The following DAB1 variants were observed in gnomAD, a reference collection of about 807,000 sequenced individuals.
The protein encoded by DAB1 is disabled homolog 1.
A neutral mutation model predicts 64.6 loss-of-function variants in DAB1; 15 were observed. That is an observed-to-expected ratio of 0.23 (90% CI 0.16 to 0.36). The LOEUF (loss-of-function observed/expected upper bound fraction) is 0.36, where lower values mean the gene tolerates loss of function less well. Among genes scored for constraint, DAB1 ranks in the 10% least tolerant of loss-of-function variants. The pLI, the probability that DAB1 is intolerant of heterozygous loss-of-function variation, is 1.00. For synonymous variants in DAB1, 235 were observed against 251.9 expected (o/e 0.93, Z 0.64); for missense variants, 596 against 706.7 (o/e 0.84, Z 1.78).
At chr1:58,182,704 A>G (rs1295061702) in intron 4 of DAB1, among the ~76,000 whole-genome samples, 2 of 151,906 alleles carry the variant, frequency 1.3e-5, no homozygotes, top group Non-Finnish European at 2.9e-5. Flanking sequence ...AATACTTTCC[A>G]TTCACTTTTT....
intron 3 of DAB1, among the ~76,000 whole-genome samples, chr1:58,437,183 T>TTAA (rs1644954397): frequency 6.6e-6 from 1 of 152,202 alleles, no homozygotes; most frequent in Non-Finnish European, 1.5e-5. Flanking sequence ...GGAGAGCTGG[T>TTAA]TAATGATTCA....
intron 3 of DAB1, among the ~76,000 whole-genome samples, chr1:58,432,132 G>A (rs1644883950): frequency 6.6e-6 from 1 of 152,096 alleles, no homozygotes. Flanking sequence ...TCCTATCTCA[G>A]GGTCTCTGCC....
intron 5 of DAB1, among the ~76,000 whole-genome samples, chr1:57,900,179 A>G (rs1644452923): frequency 1.3e-5 from 2 of 152,124 alleles, no homozygotes; most frequent in African/African-American, 2.4e-5. Flanking sequence ...GAGGATAAAC[A>G]CTGCAAGTGC....
At chr1:58,236,704 C>T (rs1383560329) in intron 4 of DAB1, among the ~76,000 whole-genome samples, 1 of 152,192 alleles carries the variant, frequency 6.6e-6, no homozygotes, top group Non-Finnish European at 1.5e-5. Flanking sequence ...GGCAGTGTCC[C>T]AGTTCTATAG....
chr1:57,081,625 T>C (rs1248428925), intron 4 of DAB1, among the ~76,000 whole-genome samples: 1 of 152,134 alleles, frequency 6.6e-6, no homozygotes, highest in Non-Finnish European at 1.5e-5. Flanking sequence ...GAGTTTTCCA[T>C]CGCTTGCAAC....
intron 5 of DAB1, among the ~76,000 whole-genome samples, chr1:58,012,044 A>G (rs1250863303): frequency 2.0e-5 from 3 of 152,086 alleles, no homozygotes; most frequent in Non-Finnish European, 4.4e-5. Flanking sequence ...TTGCTTAGTT[A>G]TATATTTAAC....
chr1:57,313,191 C>T (rs1291580039), intron 1 of DAB1, among the ~76,000 whole-genome samples: 1 of 152,024 alleles, frequency 6.6e-6, no homozygotes, highest in Non-Finnish European at 1.5e-5. Context: ...AGAATGAGGC[C>T]TCAAGGTATG....
At chr1:57,057,329 G>A (rs1030333834) in intron 9 of DAB1, among the ~76,000 whole-genome samples, 2 of 151,988 alleles carry the variant, frequency 1.3e-5, no homozygotes, top group Admixed American at 1.3e-4. Flanking sequence ...CTTTTTGCCT[G>A]TCTCTCTTAT....
chr1:58,064,746 G>T (rs1274677147), intron 5 of DAB1, among the ~76,000 whole-genome samples: 2 of 151,924 alleles, frequency 1.3e-5, no homozygotes, highest in African/African-American at 4.8e-5. Flanking sequence ...TTTTGAGACG[G>T]AATCTCGCTC....
intron 7 of DAB1, among the ~76,000 whole-genome samples, chr1:57,639,323 TAA>T (rs1277404264): frequency 4.7e-5 from 7 of 149,824 alleles, no homozygotes; most frequent in South Asian, 2.1e-4. Context: ...AAGTTCTTTA[TAA>T]AAAGAACTTT....
At chr1:57,214,685 T>G (rs197600) in intron 2 of DAB1, among the ~76,000 whole-genome samples, 2,346 of 151,116 alleles carry the variant, frequency 0.016, 48 homozygotes, top group African/African-American at 0.054. Flanking sequence ...CCAAGGTGGG[T>G]GGATCACAAG....
At chr1:58,419,428 C>T (rs1375316752) in intron 3 of DAB1, among the ~76,000 whole-genome samples, 1 of 152,168 alleles carries the variant, frequency 6.6e-6, no homozygotes. Flanking sequence ...CTATGACCAT[C>T]ATCCATCACC....
chr1:57,873,475 A>C (rs958892252), intron 1 of DAB1, among the ~76,000 whole-genome samples: 1 of 152,206 alleles, frequency 6.6e-6, no homozygotes, highest in African/African-American at 2.4e-5. Context: ...CAATGAATTT[A>C]CATCTTGAAT....
intron 6 of DAB1, among the ~76,000 whole-genome samples, chr1:57,808,645 T>C (rs1411604621): frequency 6.6e-6 from 1 of 152,232 alleles, no homozygotes; most frequent in African/African-American, 2.4e-5. Context: ...ACTTTAGGAA[T>C]ACTCTTATTT....
At chr1:57,528,789 G>C (rs1160802413) in intron 7 of DAB1, among the ~76,000 whole-genome samples, 6 of 151,990 alleles carry the variant, frequency 3.9e-5, no homozygotes, top group Non-Finnish European at 7.4e-5. Context: ...AGATGAAAAG[G>C]CCTGTCAATC....
At chr1:58,242,223 C>CA (rs1167307293) in intron 4 of DAB1, among the ~76,000 whole-genome samples, 1 of 151,764 alleles carries the variant, frequency 6.6e-6, no homozygotes, top group Non-Finnish European at 1.5e-5. Flanking sequence ...GTGACAAATG[C>CA]AAAAAATGTA....
At chr1:57,065,325 T>C (rs567254666) in intron 8 of DAB1, among the ~76,000 whole-genome samples, 2 of 152,324 alleles carry the variant, frequency 1.3e-5, no homozygotes, top group African/African-American at 4.8e-5. Flanking sequence ...TTATGTGTCA[T>C]GCATCACGCG....
chr1:58,531,771 G>T (rs61781817), intron 1 of DAB1, among the ~76,000 whole-genome samples: 1 of 151,732 alleles, frequency 6.6e-6, no homozygotes, highest in Non-Finnish European at 1.5e-5. Flanking sequence ...GTGCAGTGGC[G>T]AGGTCTCGAC....
At chr1:57,431,418 A>G (rs549035051) in intron 7 of DAB1, among the ~76,000 whole-genome samples, 5 of 152,234 alleles carry the variant, frequency 3.3e-5, no homozygotes, top group Non-Finnish European at 5.9e-5. Flanking sequence ...GGACATAAGT[A>G]AAATGTCCAA....
Sources: gnomAD v4.1 joint callset for allele counts (sites outside exome capture counted in the v4.1 genomes callset) on GRCh38, gnomAD v4.1.1 for gene constraint, MANE v1.5 for transcripts, NCBI Gene and HGNC (gene_info 2026-07-23, HGNC 2026-07-21) for gene names.